Variants in GALNT13 observed in about 807,000 individuals in gnomAD.
The protein encoded by GALNT13 is UDP-GalNAc:polypeptide N-acetylgalactosaminyltransferase 13.
In GALNT13, 28 loss-of-function variants were observed where a neutral mutation model predicts 64.2. The ratio of observed to expected loss-of-function variants is 0.44; its 90% CI spans 0.32 to 0.60. GALNT13 has a LOEUF of 0.60. GALNT13 is among the 20% of genes least tolerant of loss of function. The pLI, the probability that GALNT13 is intolerant of heterozygous loss-of-function variation, is 0.05. For synonymous variants in GALNT13, 214 were observed against 224.6 expected, an observed-to-expected ratio of 0.95 and a Z score of 0.42; for missense variants, 577 against 669.8, an observed-to-expected ratio of 0.86 and a Z score of 1.53.
the GALNT13 span, among the ~76,000 whole-genome samples, chr2:153,433,394 T>A: frequency 6.6e-6 from 1 of 151,336 alleles, no homozygotes; most frequent in African/African-American, 2.4e-5. Flanking sequence ...ATGTAACACC[T>A]TTGATAATTA....
chr2:153,079,224 G>A, the GALNT13 span, among the ~76,000 whole-genome samples: 2 of 152,064 alleles, frequency 1.3e-5, no homozygotes, highest in Non-Finnish European at 2.9e-5. Context: ...AATAGCCAGA[G>A]CTTTTACTGT....
the GALNT13 span, among the ~76,000 whole-genome samples, chr2:153,649,803 A>G: frequency 2.0e-5 from 3 of 152,072 alleles, no homozygotes; most frequent in Admixed American, 2.0e-4. Context: ...TCTGAGTTCT[A>G]GTTTGATTGC....
At chr2:153,346,111 A>G in the GALNT13 span, among the ~76,000 whole-genome samples, 1 of 151,994 alleles carries the variant, frequency 6.6e-6, no homozygotes, top group Non-Finnish European at 1.5e-5. Context: ...TTTTTTGTAG[A>G]GATGGGTTTT....
chr2:153,417,873 A>G, the GALNT13 span, among the ~76,000 whole-genome samples: 4 of 152,300 alleles, frequency 2.6e-5, no homozygotes, highest in East Asian at 7.7e-4. Context: ...AATATCAGAT[A>G]TGAGTCATAT....
chr2:153,838,729 T>C, the GALNT13 span, among the ~76,000 whole-genome samples: 1 of 151,950 alleles, frequency 6.6e-6, no homozygotes, highest in Non-Finnish European at 1.5e-5. Flanking sequence ...TGTTCAAGAT[T>C]ACTTTTGGTC....
intron 9 of GALNT13, among the ~76,000 whole-genome samples, chr2:154,351,320 ATTC>A (rs1319262638): frequency 6.6e-6 from 1 of 152,144 alleles, no homozygotes; most frequent in Admixed American, 6.5e-5. Flanking sequence ...ACTTTATCAT[ATTC>A]TTCTTGCATC....
chr2:153,873,918 A>G (rs1217000886), intron 1 of GALNT13, among the ~76,000 whole-genome samples: 2 of 151,920 alleles, frequency 1.3e-5, no homozygotes, highest in Non-Finnish European at 2.9e-5. Flanking sequence ...CTAGTGTTAA[A>G]GAAACCTGCT....
chr2:153,481,906 T>A, the GALNT13 span, among the ~76,000 whole-genome samples: 2 of 152,226 alleles, frequency 1.3e-5, no homozygotes, highest in African/African-American at 4.8e-5. Context: ...AGGATATTTA[T>A]TGCTTTGGGG....
chr2:153,167,837 AG>A, the GALNT13 span, among the ~76,000 whole-genome samples: 2 of 152,204 alleles, frequency 1.3e-5, no homozygotes, highest in East Asian at 3.8e-4. Context: ...TCAAAGAGCA[AG>A]GTTAGGATGG....
At chr2:154,447,259 T>C (rs1321362136) in intron 12 of GALNT13, among the ~76,000 whole-genome samples, 1 of 152,014 alleles carries the variant, frequency 6.6e-6, no homozygotes, top group East Asian at 1.9e-4. Context: ...ATTATTTTAA[T>C]TAAAACACTA....
chr2:153,676,488 G>C, the GALNT13 span, among the ~76,000 whole-genome samples: 1 of 152,066 alleles, frequency 6.6e-6, no homozygotes, highest in African/African-American at 2.4e-5. Flanking sequence ...AATTGAAGAG[G>C]AGGAATTCCT....
chr2:153,269,932 A>G, the GALNT13 span, among the ~76,000 whole-genome samples: 1 of 152,176 alleles, frequency 6.6e-6, no homozygotes, highest in Admixed American at 6.5e-5. Flanking sequence ...CCAATCACCT[A>G]TCACGAAGTC....
the GALNT13 span, among the ~76,000 whole-genome samples, chr2:153,800,285 C>T: frequency 6.6e-6 from 1 of 152,084 alleles, no homozygotes; most frequent in Non-Finnish European, 1.5e-5. Flanking sequence ...TATAAATTCA[C>T]ATACCTTAAA....
chr2:153,249,884 G>C, the GALNT13 span, among the ~76,000 whole-genome samples: 2 of 152,194 alleles, frequency 1.3e-5, no homozygotes, highest in Non-Finnish European at 2.9e-5. Context: ...ATTCATGTTG[G>C]ATTAAAGACT....
chr2:153,104,663 G>A, the GALNT13 span, among the ~76,000 whole-genome samples: 1 of 152,072 alleles, frequency 6.6e-6, no homozygotes, highest in African/African-American at 2.4e-5. Flanking sequence ...TCCAAAGTCT[G>A]AAGTATTTCC....
At chr2:153,129,312 A>G in the GALNT13 span, among the ~76,000 whole-genome samples, 1 of 152,214 alleles carries the variant, frequency 6.6e-6, no homozygotes, top group Admixed American at 6.5e-5. Context: ...GCCCTTGTGC[A>G]AGGTGCTTAG....
intron 9 of GALNT13, among the ~76,000 whole-genome samples, chr2:154,373,958 G>C (rs1697838677): frequency 6.6e-6 from 1 of 152,308 alleles, no homozygotes; most frequent in East Asian, 1.9e-4. Flanking sequence ...TGAGGCTAAA[G>C]TTGTGTTCAA....
At chr2:153,877,250 A>G (rs1192485893) in intron 1 of GALNT13, among the ~76,000 whole-genome samples, 1 of 152,152 alleles carries the variant, frequency 6.6e-6, no homozygotes, top group Non-Finnish European at 1.5e-5. Context: ...AAGATATATC[A>G]TGTTAAGGTT....
chr2:153,348,211 C>T, the GALNT13 span, among the ~76,000 whole-genome samples: 2 of 152,190 alleles, frequency 1.3e-5, no homozygotes, highest in African/African-American at 4.8e-5. Flanking sequence ...AAATCCACCA[C>T]CAGACGTGCA....
Sources: gnomAD v4.1 joint callset for allele counts (sites outside exome capture counted in the v4.1 genomes callset) on GRCh38, gnomAD v4.1.1 for gene constraint, MANE v1.5 for transcripts, NCBI Gene and HGNC (gene_info 2026-07-23, HGNC 2026-07-21) for gene names.